The following PROSER1 variants were observed in gnomAD, a reference collection of about 807,000 sequenced individuals.
PROSER1 encodes the protein proline and serine-rich protein 1.
Under a neutral mutation model 71.8 loss-of-function variants are expected in PROSER1, and 36 were observed. That is an observed-to-expected ratio of 0.50 (90% confidence interval 0.38 to 0.66). PROSER1 has a LOEUF of 0.66. PROSER1 is among the 30% of genes least tolerant of loss of function. The probability of loss-of-function intolerance (pLI) is 0.00; values close to 1 mark genes in which losing one functional copy is unlikely to be tolerated. For missense variants in PROSER1, 1,107 were observed against 1,135.0 expected, an observed-to-expected ratio of 0.98 and a Z score of 0.35; for synonymous variants, 490 against 452.4, an observed-to-expected ratio of 1.08 and a Z score of -1.06.
intron 2 of PROSER1, among the ~76,000 whole-genome samples, chr13:39,032,709 C>T (rs966470569): frequency 7.9e-5 from 12 of 151,928 alleles, no homozygotes; most frequent in African/African-American, 2.7e-4. Flanking sequence ...CTAATAAATG[C>T]TATATTTTAA....
Position 39,028,396 on chromosome 13 carries a change from C to T in PROSER1, c.276-76G>A, listed in dbSNP as rs148085687. 4.4e-3 allele frequency: 3,347 copies of T among 760,638 alleles called. 75 individuals carry two copies. The highest frequency in any genetic ancestry group is 9.0e-4 in the Non-Finnish European group (396 of 440,494). 47.1% of individuals were successfully genotyped at this position (760,638 alleles called of 1,614,324 possible). ...CGAGGTAAGCAACCTTTGTTTACCA[C>T]ACAAACATCTGAGTAAGCGTTCTCC... On this transcript the variant is annotated intron_variant, in intron 4 of 12. Transcript: ENST00000352251.
chr13:39,017,349 T>TA, intron 10 of PROSER1, 151 bp downstream of exon 10: 2 of 628,650 alleles, frequency 3.2e-6, no homozygotes, highest in Non-Finnish European at 5.6e-6. Flanking sequence ...GTAACACTAG[T>TA]AAACCACTTT....
In PROSER1 at chr13:39,022,347, T is replaced by G. The variant is rs1390582092; in HGVS notation, c.709A>C (p.Thr237Pro). ...NVIAPPPPPY[T>P]PNPVGTENED... The stretch of plus-strand genomic sequence containing the variant: ...TTACCTGTTCCTACAGGATTAGGAG[T>G]ATATGGAGGTGGAGGTGGAGCTATG... Residue 237 changes from threonine (T) to proline (P), a missense_variant, in exon 9 of 13, where the codon ACT becomes CCT. Coordinates refer to ENST00000352251, the MANE Select transcript of PROSER1 (RefSeq NM_025138.5). 1 of 1,610,138 alleles carries G rather than the reference T, an allele frequency of 6.2e-7. No individual in the cohort carries two copies. Among genetic ancestry groups the G allele is most frequent in the Non-Finnish European group, 8.5e-7 (1 of 1,176,732 alleles).
At chr13:39,029,250 A>T in intron 4 of PROSER1, 31 bp downstream of exon 4, 13 of 479,672 alleles carry the variant, frequency 2.7e-5, no homozygotes, top group Admixed American at 5.4e-5. Context: ...TCCCAAGTAA[A>T]AAAAAAAAAA....
At position 39,011,558 on chromosome 13, in the gene PROSER1, T is replaced by C. The variant is rs529658996; in HGVS notation, c.2713-71A>G. On this transcript the variant is annotated intron_variant, in intron 12 of 12. Coordinates refer to ENST00000352251, the MANE Select transcript of PROSER1 (RefSeq NM_025138.5). ...TCAAGCCTGCGCTTGCTTCTACCCA[T>C]GCCACACAGAGATATTCAGAATAGG... 5.3e-4 allele frequency: 795 copies of C among 1,491,672 alleles called. 1 individual carries two copies. The highest frequency in any genetic ancestry group is 2.9e-3 in the Middle Eastern group (13 of 4,458). 92.4% of individuals were successfully genotyped at this position (1,491,672 alleles called of 1,614,324 possible). A position where few individuals can be genotyped will look rare whatever the true frequency, so the allele number is the denominator to read the frequency against.
At position 39,029,269 on chromosome 13, in the gene PROSER1, A is replaced by G. The variant is rs1870709406; in HGVS notation, c.275+12T>C. ...AAGTAAAAAAAAAAAAAAAAAAAAA[A>G]GAAATACTTACGAGGCTAACAGTTC... is the stretch of plus-strand genomic sequence containing the variant. On this transcript the variant is annotated intron_variant, in intron 4 of 12. Transcript: ENST00000352251. The G allele has an allele frequency of 4.6e-6, 6 of 1,300,324 alleles. No individual in the cohort carries two copies. The highest frequency in any genetic ancestry group is 6.3e-6 in the Non-Finnish European group (6 of 958,408). The allele number at this position is 1,300,324 out of a possible 1,614,324, so 80.5% of individuals were successfully genotyped here. A position where few individuals can be genotyped will look rare whatever the true frequency, so the allele number is the denominator to read the frequency against.
intron 5 of PROSER1, among the ~76,000 whole-genome samples, chr13:39,027,603 A>G (rs1463555801): frequency 1.3e-5 from 2 of 152,226 alleles, no homozygotes; most frequent in Non-Finnish European, 2.9e-5. Context: ...ACAACAATGT[A>G]TGACTAAGGT....
At chr13:39,020,771 T>C (rs1870252656) in intron 9 of PROSER1, among the ~76,000 whole-genome samples, 1 of 152,208 alleles carries the variant, frequency 6.6e-6, no homozygotes, top group Non-Finnish European at 1.5e-5. Context: ...ATAGGGTTTT[T>C]GGAGAATAGT....
intron 3 of PROSER1, among the ~76,000 whole-genome samples, chr13:39,030,570 T>C (rs1373132229): frequency 6.6e-6 from 1 of 152,094 alleles, no homozygotes; most frequent in Non-Finnish European, 1.5e-5. Flanking sequence ...TAAAGGAGCA[T>C]ACCACCACAC....
chr13:39,027,109 C>T (rs1039584151), intron 5 of PROSER1, among the ~76,000 whole-genome samples: 1 of 151,860 alleles, frequency 6.6e-6, no homozygotes, highest in Non-Finnish European at 1.5e-5. Flanking sequence ...TATATATATT[C>T]ACAAGTATGT....
chr13:39,023,507 G>A (rs372207908), intron 7 of PROSER1: 67 of 165,398 alleles, frequency 4.1e-4, no homozygotes, highest in Middle Eastern at 6.0e-3. Context: ...CTCAAATTAC[G>A]CAAGAACTCC....
Position 39,013,213 on chromosome 13 carries a change from G to C in PROSER1, c.2039C>G (p.Ser680Cys). Residue 680 changes from serine to cysteine, a missense_variant, in exon 11 of 13, where the codon TCC (serine) becomes TGC (cysteine). Physicochemically the swap from Ser to Cys is moderately radical, Grantham distance 112. Coordinates refer to ENST00000352251, the MANE Select transcript of PROSER1 (RefSeq NM_025138.5). ...AGTGGAGGAACCATGTGGTGGAAGGGAAATAGAGGAAAGAGGATTTGAACC... is the reference window on the plus strand; with the variant it reads ...AGTGGAGGAACCATGTGGTGGAAGGCAAATAGAGGAAAGAGGATTTGAACC... ...LNGSNPLSSI[S>C]LPPHGSSTPI... The C allele has an allele frequency of 6.2e-7, 1 of 1,614,156 alleles. No homozygotes were observed. Among genetic ancestry groups the C allele is most frequent in the Non-Finnish European group, 8.5e-7 (1 of 1,180,022 alleles).
At chr13:39,018,788 T>C (rs1245567600) in intron 9 of PROSER1, among the ~76,000 whole-genome samples, 1 of 151,936 alleles carries the variant, frequency 6.6e-6, no homozygotes, top group Non-Finnish European at 1.5e-5. Flanking sequence ...AATGCAACAA[T>C]TAAAAGAATA....
intron 10 of PROSER1, among the ~76,000 whole-genome samples, chr13:39,015,380 A>C (rs1473867143): frequency 2.0e-5 from 3 of 152,216 alleles, no homozygotes; most frequent in Non-Finnish European, 2.9e-5. Flanking sequence ...TTAGGTAGCT[A>C]ATGTCATAAA....
intron 1 of PROSER1, 64 bp from the exon 2 acceptor site, chr13:39,034,260 A>C (rs1870992931): frequency 7.5e-7 from 1 of 1,342,280 alleles, no homozygotes; most frequent in East Asian, 2.5e-5. Flanking sequence ...CAGCACAGTA[A>C]TATACATCTA....
chr13:39,024,567 A>AC lies in PROSER1; in HGVS notation c.481-12_481-11insG. The stretch of plus-strand genomic sequence containing the variant: ...TTTCAAAGGAGTTCCCTATTAAAAA[A>AC]AAAAAAAAAAGGTAATTGAAACTTA... On this transcript the variant is annotated splice_polypyrimidine_tract_variant and intron_variant, in intron 6 of 12. Coordinates refer to ENST00000352251, the MANE Select transcript of PROSER1 (RefSeq NM_025138.5). 1.3e-6 allele frequency: 2 copies of AC among 1,549,634 alleles called. No individual in the cohort carries two copies. The highest frequency in any genetic ancestry group is 1.7e-6 in the Non-Finnish European group (2 of 1,145,646).
chr13:39,030,394 T>C (rs904858604), intron 3 of PROSER1, among the ~76,000 whole-genome samples: 4 of 152,164 alleles, frequency 2.6e-5, no homozygotes, highest in Non-Finnish European at 5.9e-5. Context: ...CAAATAAGTG[T>C]ATTGAGTTGT....
intron 3 of PROSER1, among the ~76,000 whole-genome samples, chr13:39,031,287 A>C (rs146700040): frequency 6.6e-6 from 1 of 152,376 alleles, no homozygotes; most frequent in South Asian, 2.1e-4. Flanking sequence ...ATTAAAAAAC[A>C]GAAGTGCAAA....
At chr13:39,015,842 A>G (rs1484866039) in intron 10 of PROSER1, among the ~76,000 whole-genome samples, 1 of 151,940 alleles carries the variant, frequency 6.6e-6, no homozygotes, top group East Asian at 1.9e-4. Context: ...GTACCTATAA[A>G]AATGGATTTG....
Sources: gnomAD v4.1 joint callset for allele counts (sites outside exome capture counted in the v4.1 genomes callset) on GRCh38, gnomAD v4.1.1 for gene constraint, MANE v1.5 for transcripts, NCBI Gene and HGNC (gene_info 2026-07-23, HGNC 2026-07-21) for gene names.